Variants in KIAA0232 observed in about 807,000 individuals in gnomAD.
KIAA0232 encodes the protein KIAA0232.
In KIAA0232, 27 loss-of-function variants were observed where a neutral mutation model predicts 122.0. The observed-to-expected ratio is 0.22, with a 90% confidence interval of 0.16 to 0.31. The LOEUF (loss-of-function observed/expected upper bound fraction) is 0.31. Ranked by LOEUF, KIAA0232 falls within the 10% of genes least tolerant of loss-of-function variation. The probability of loss-of-function intolerance (pLI) is 1.00; values close to 1 mark genes in which losing one functional copy is unlikely to be tolerated. For missense variants in KIAA0232, 1,551 were observed against 1,634.2 expected (o/e 0.95, Z 0.88); for synonymous variants, 613 against 587.6 (o/e 1.04, Z -0.63).
Position 6,845,425 on chromosome 4 carries a change from G to T in KIAA0232, c.369+3221G>T, listed in dbSNP as rs1719899721. On this transcript the variant is annotated intron_variant, in intron 4 of 9. Coordinates refer to ENST00000307659, the MANE Select transcript of KIAA0232 (RefSeq NM_014743.3). ...TGCCCAGGCTGGTTTTGAACTCCTG[G>T]GCTCAAGACATCCTCCCGCGTCGGC... Among the ~76,000 whole-genome samples the T allele has an allele frequency of 2.6e-5, 4 of 152,150 alleles. No homozygotes were observed. The South Asian group carries it at 8.3e-4, about 32-fold the overall frequency.
chr4:6,830,516 T>A (rs1718916090), intron 3 of KIAA0232, among the ~76,000 whole-genome samples: 1 of 148,832 alleles, frequency 6.7e-6, no homozygotes, highest in South Asian at 2.2e-4. Flanking sequence ...CAAGTGATTC[T>A]CCTGCCTTAG....
At chr4:6,857,934 T>G (rs1720645950) in intron 5 of KIAA0232, among the ~76,000 whole-genome samples, 1 of 152,218 alleles carries the variant, frequency 6.6e-6, no homozygotes, top group Non-Finnish European at 1.5e-5. Context: ...TAGGCTAAAC[T>G]AAGGGATAGC....
rs968905582 is a variant in KIAA0232 at position 6,880,820 on chromosome 4, G to A, written c.4042G>A (p.Glu1348Lys). Residue 1348 changes from glutamate to lysine, a missense_variant, in exon 10 of 10, where the codon GAG becomes AAG. By Grantham distance (56) the Glu-to-Lys change is moderately conservative. Coordinates refer to ENST00000307659, the MANE Select transcript of KIAA0232 (RefSeq NM_014743.3). ...TGTTTATGAAGCAAGATGTACAGGA[G>A]AGAGAGATTCTGGAGCAAAGTCAGA... is the stretch of plus-strand genomic sequence containing the variant. ...SSVYEARCTG[E>K]RDSGAKSDGF... 1 of 1,598,208 alleles carries A rather than the reference G, an allele frequency of 6.3e-7. No individual in the cohort carries two copies. Among genetic ancestry groups the A allele is most frequent in the African/African-American group, 1.3e-5 (1 of 74,640 alleles).
intron 9 of KIAA0232, among the ~76,000 whole-genome samples, chr4:6,879,558 G>T (rs756028231): frequency 7.9e-5 from 12 of 152,188 alleles, no homozygotes; most frequent in African/African-American, 2.4e-4. Context: ...TGCCTCAGGG[G>T]TTCTCAACCA....
At chr4:6,839,050 C>T (rs1719501049) in intron 3 of KIAA0232, among the ~76,000 whole-genome samples, 1 of 152,084 alleles carries the variant, frequency 6.6e-6, no homozygotes, top group South Asian at 2.1e-4. Flanking sequence ...CTCTTGAACC[C>T]AGGAGGCAGA....
intron 6 of KIAA0232, among the ~76,000 whole-genome samples, chr4:6,860,658 A>G (rs906041240): frequency 1.1e-4 from 17 of 152,234 alleles, no homozygotes; most frequent in Non-Finnish European, 1.8e-4. Flanking sequence ...GTCATCTTAC[A>G]TATTTTCTCA....
chr4:6,836,097 C>T (rs1217634765), intron 3 of KIAA0232, among the ~76,000 whole-genome samples: 1 of 152,178 alleles, frequency 6.6e-6, no homozygotes, highest in Non-Finnish European at 1.5e-5. Context: ...AGTGTAGAAG[C>T]GTTCCTATCT....
intron 1 of KIAA0232, among the ~76,000 whole-genome samples, chr4:6,786,399 C>A (rs1172398388): frequency 6.6e-6 from 1 of 152,190 alleles, no homozygotes; most frequent in Non-Finnish European, 1.5e-5. Context: ...ACCTCCCAGG[C>A]TCAAGTGATC....
chr4:6,802,776 G>A (rs1459467235), intron 1 of KIAA0232, among the ~76,000 whole-genome samples: 2 of 152,046 alleles, frequency 1.3e-5, no homozygotes, highest in African/African-American at 4.8e-5. Flanking sequence ...GTGATGTAAG[G>A]AGCACAGAGG....
intron 4 of KIAA0232, among the ~76,000 whole-genome samples, chr4:6,850,079 A>G (rs894774601): frequency 6.6e-6 from 1 of 152,236 alleles, no homozygotes; most frequent in African/African-American, 2.4e-5. Flanking sequence ...CAAATGTTGA[A>G]AAGTGAGAAT....
intron 3 of KIAA0232, 64 bp downstream of exon 3, chr4:6,824,748 A>C: frequency 2.9e-6 from 4 of 1,367,408 alleles, no homozygotes; most frequent in Non-Finnish European, 4.1e-6. Context: ...ATTCCTCTTA[A>C]ACAAGCACTT....
At chr4:6,783,523 C>T (rs933487191) in intron 1 of KIAA0232, among the ~76,000 whole-genome samples, 1 of 152,272 alleles carries the variant, frequency 6.6e-6, no homozygotes, top group East Asian at 1.9e-4. Flanking sequence ...GGGGTCAGGC[C>T]GGCAGCCTGG....
At chr4:6,828,717 C>T (rs944855305) in intron 3 of KIAA0232, among the ~76,000 whole-genome samples, 1 of 152,160 alleles carries the variant, frequency 6.6e-6, no homozygotes, top group Non-Finnish European at 1.5e-5. Context: ...GTTGAATACT[C>T]GAAGTGACTC....
At position 6,863,947 on chromosome 4, in the gene KIAA0232, C is replaced by G; in HGVS notation, c.3565C>G (p.Gln1189Glu). 6.2e-7 allele frequency: 1 copy of G among 1,613,988 alleles called. No individual in the cohort carries two copies. Among genetic ancestry groups the G allele is most frequent in the South Asian group, 1.1e-5 (1 of 91,058 alleles). The change falls in exon 7 of 10, where the codon CAG (glutamine) becomes GAG (glutamate). Residue 1189 changes from glutamine to glutamate, a missense_variant. By Grantham distance (29) the Gln-to-Glu change is conservative. Around this residue, in one of 5 missense-constraint regions of KIAA0232, gnomAD observed 1,108 missense variants for 1,154.8 expected, o/e 0.96. Coordinates refer to ENST00000307659, the MANE Select transcript of KIAA0232 (RefSeq NM_014743.3). ...AAAATCTGGGATGGAAAAGAGTGCT[C>G]AGACATCACTGGATTCCCAGGAGGA... ...LKKSGMEKSA[Q>E]TSLDSQEEST...
At chr4:6,878,066 T>A (rs1560214356) in intron 9 of KIAA0232, among the ~76,000 whole-genome samples, 1 of 152,166 alleles carries the variant, frequency 6.6e-6, no homozygotes, top group African/African-American at 2.4e-5. Context: ...ACTTAAATGC[T>A]GATATGAAGT....
At chr4:6,796,386 T>G (rs1165599495) in intron 1 of KIAA0232, among the ~76,000 whole-genome samples, 1 of 152,034 alleles carries the variant, frequency 6.6e-6, no homozygotes, top group East Asian at 1.9e-4. Context: ...GGACTACAGG[T>G]GTGTGCCACC....
At chr4:6,866,114 C>A in intron 7 of KIAA0232, 1 of 414,158 alleles carries the variant, frequency 2.4e-6, no homozygotes, top group Non-Finnish European at 3.2e-6. Flanking sequence ...ATATTGTTAG[C>A]CTTTATCTGT....
At chr4:6,850,551 A>G (rs760000493) in intron 4 of KIAA0232, among the ~76,000 whole-genome samples, 1 of 152,076 alleles carries the variant, frequency 6.6e-6, no homozygotes, top group Non-Finnish European at 1.5e-5. Flanking sequence ...TAATGTCTTC[A>G]TTCTTCGTTC....
intron 3 of KIAA0232, among the ~76,000 whole-genome samples, chr4:6,839,326 T>G (rs1163896597): frequency 6.6e-6 from 1 of 152,218 alleles, no homozygotes; most frequent in East Asian, 1.9e-4. Flanking sequence ...GAAAATAATT[T>G]CAGAGTGAGA....
Sources: gnomAD v4.1 joint callset for allele counts (sites outside exome capture counted in the v4.1 genomes callset) on GRCh38, gnomAD v4.1.1 for gene constraint, gnomAD v4.1.1 regional missense constraint, MANE v1.5 for transcripts, NCBI Gene and HGNC (gene_info 2026-07-23, HGNC 2026-07-21) for gene names.